TCF12: variants seen among roughly 807,000 people sequenced by gnomAD.
TCF12 encodes the protein transcription factor 12.
Under a neutral mutation model 86.0 loss-of-function variants are expected in TCF12, and 45 were observed. That is an observed-to-expected ratio of 0.52 (90% confidence interval 0.41 to 0.67). The LOEUF (loss-of-function observed/expected upper bound fraction) is 0.67. Ranked by LOEUF, TCF12 falls within the 30% of genes least tolerant of loss-of-function variation. The pLI, the probability that TCF12 is intolerant of heterozygous loss-of-function variation, is 0.00. For synonymous variants in TCF12, 330 were observed against 299.6 expected (o/e 1.10, Z -1.05); for missense variants, 881 against 859.9 (o/e 1.02, Z -0.31).
rs928152447 is a variant in TCF12 at position 57,214,730 on chromosome 15, A to C, written c.580-16422A>C. ...TTACCAGTACTCAGACTAATCTTTA[A>C]TATCCACTGGTTATTGGTTTGGTTA... On this transcript the variant is annotated intron_variant, in intron 8 of 20. Transcript: ENST00000333725. Among the ~76,000 whole-genome samples the C allele has an allele frequency of 2.6e-5, 4 of 152,296 alleles. No individual in the cohort carries two copies. The East Asian group carries it at 7.7e-4, about 29-fold the overall frequency.
At chr15:57,188,439 C>T (rs546111061) in intron 6 of TCF12, among the ~76,000 whole-genome samples, 13 of 152,238 alleles carry the variant, frequency 8.5e-5, no homozygotes, top group Non-Finnish European at 7.4e-5. Flanking sequence ...ATCAAACTTC[C>T]AATGGCTTTT....
intron 3 of TCF12, among the ~76,000 whole-genome samples, chr15:56,941,464 C>A (rs1361513667): frequency 2.0e-5 from 3 of 151,752 alleles, no homozygotes; most frequent in Non-Finnish European, 4.4e-5. Context: ...CCTCTGGCTC[C>A]CAGGTTCTAG....
At chr15:57,102,668 A>G (rs1201531154) in intron 5 of TCF12, among the ~76,000 whole-genome samples, 2 of 152,144 alleles carry the variant, frequency 1.3e-5, no homozygotes, top group Non-Finnish European at 2.9e-5. Flanking sequence ...TTTTATTTAA[A>G]AAACAAATTC....
In TCF12 at chr15:57,110,711, AGATAGAATGGATACATTG is replaced by A. The variant is rs370488045; in HGVS notation, c.325+18822_325+18839del. Among the ~76,000 whole-genome samples the A allele has an allele frequency of 4.1e-3, 631 of 152,308 alleles. 7 individuals carry two copies. The highest frequency in any genetic ancestry group is 0.014 in the African/African-American group (599 of 41,566). On this transcript the variant is annotated intron_variant, in intron 5 of 20. Coordinates refer to ENST00000333725, the MANE Select transcript of TCF12 (RefSeq NM_207037.2). Reference sequence around the variant, plus strand: ...TTTACAGGTTGCTTGGGCTGGCCCTAGATAGAATGGATACATTGGGTGTTGAAAACTAGAAACGGACTT... The same window carrying A: ...TTTACAGGTTGCTTGGGCTGGCCCTAGGTGTTGAAAACTAGAAACGGACTT...
At position 56,919,909 on chromosome 15, in the gene TCF12, C is replaced by T; in HGVS notation, c.-5C>T. 3 of 1,613,878 alleles carry T rather than the reference C, an allele frequency of 1.9e-6. No individual in the cohort carries two copies. The East Asian group carries it at 6.7e-5, about 36-fold the overall frequency. On this transcript the variant is annotated 5_prime_UTR_variant, in exon 2 of 21. Coordinates refer to ENST00000333725, the MANE Select transcript of TCF12 (RefSeq NM_207037.2). ...TGCCCTAGGACCTGCTAGAAGTGGC[C>T]GAAGATGAATCCCCAGCAACAACGC...
At chr15:56,933,778 G>T (rs1213806319) in intron 3 of TCF12, among the ~76,000 whole-genome samples, 1 of 152,032 alleles carries the variant, frequency 6.6e-6, no homozygotes, top group African/African-American at 2.4e-5. Flanking sequence ...TGGAGAGAGG[G>T]AATCTTCATA....
chr15:57,211,979 CCACACACACACACA>C (rs58113866), intron 8 of TCF12, among the ~76,000 whole-genome samples: 1 of 83,698 alleles, frequency 1.2e-5, no homozygotes, highest in South Asian at 3.8e-4. Flanking sequence ...CACACACACA[CCACACACACACACA>C]CACACACACA....
chr15:57,053,137 T>G (rs1432153695), intron 3 of TCF12, among the ~76,000 whole-genome samples: 1 of 152,218 alleles, frequency 6.6e-6, no homozygotes, highest in Non-Finnish European at 1.5e-5. Context: ...TTCTTGTGTA[T>G]GTGTGTTTTT....
intron 19 of TCF12, among the ~76,000 whole-genome samples, chr15:57,281,978 G>A (rs2061711455): frequency 6.6e-6 from 1 of 152,052 alleles, no homozygotes; most frequent in South Asian, 2.1e-4. Flanking sequence ...AAAGGTTGGG[G>A]ACCACTGCTT....
intron 3 of TCF12, among the ~76,000 whole-genome samples, chr15:57,059,103 A>G (rs930402055): frequency 7.9e-5 from 12 of 152,172 alleles, no homozygotes; most frequent in Non-Finnish European, 1.5e-4. Context: ...CCTGCAAAAT[A>G]TGTTATGTTT....
At chr15:57,098,035 A>C (rs1052122745) in intron 5 of TCF12, among the ~76,000 whole-genome samples, 3 of 119,218 alleles carry the variant, frequency 2.5e-5, no homozygotes, top group Non-Finnish European at 5.3e-5. Flanking sequence ...AAAAAAAAAA[A>C]CCAGTCAGGC....
intron 8 of TCF12, among the ~76,000 whole-genome samples, chr15:57,221,485 T>C (rs1038986168): frequency 1.3e-5 from 2 of 151,650 alleles, no homozygotes; most frequent in Admixed American, 6.6e-5. Context: ...GTTTAGATTT[T>C]ATTCTTTGGA....
chr15:57,273,000 A>T (rs1195890661), intron 18 of TCF12, 30 bp from the exon 19 acceptor site: 8 of 1,599,298 alleles, frequency 5.0e-6, no homozygotes, highest in Admixed American at 1.7e-5. Flanking sequence ...TAGGAAACCT[A>T]ATAGACCTTG....
intron 3 of TCF12, among the ~76,000 whole-genome samples, chr15:56,922,918 T>C (rs1455475322): frequency 1.3e-5 from 2 of 151,846 alleles, no homozygotes; most frequent in African/African-American, 4.8e-5. Flanking sequence ...TACTTATATA[T>C]TTTATATTTA....
At chr15:57,200,319 G>C (rs148918178) in intron 8 of TCF12, among the ~76,000 whole-genome samples, 50 of 152,116 alleles carry the variant, frequency 3.3e-4, no homozygotes, top group African/African-American at 1.1e-3. Flanking sequence ...AACACTTAAG[G>C]TTATACTGTT....
At chr15:57,124,321 G>A (rs192531251) in intron 5 of TCF12, among the ~76,000 whole-genome samples, 1 of 152,252 alleles carries the variant, frequency 6.6e-6, no homozygotes, top group Admixed American at 6.5e-5. Context: ...ATTGATGTGA[G>A]GAAAATATTA....
At chr15:57,232,139 T>C in intron 9 of TCF12, 152 bp from the exon 10 acceptor site, 1 of 712,686 alleles carries the variant, frequency 1.4e-6, no homozygotes, top group Non-Finnish European at 2.2e-6. Flanking sequence ...ATAGTAATTT[T>C]ACAGTTTAGA....
At chr15:56,962,132 C>CA (rs397853683) in intron 3 of TCF12, among the ~76,000 whole-genome samples, 1,943 of 62,314 alleles carry the variant, frequency 0.031, 41 homozygotes, top group African/African-American at 0.069. Flanking sequence ...GACTCCGTCT[C>CA]AAAAAAAAAA....
intron 6 of TCF12, among the ~76,000 whole-genome samples, chr15:57,189,339 A>G (rs76511087): frequency 0.043 from 6,587 of 152,254 alleles, 416 homozygotes; most frequent in African/African-American, 0.14. Context: ...TGCAATTCAT[A>G]TATCTGATAA....
Sources: allele counts gnomAD v4.1 joint callset (sites outside exome capture counted in the v4.1 genomes callset), GRCh38; gene constraint gnomAD v4.1.1; transcripts MANE v1.5; gene names NCBI Gene and HGNC (gene_info 2026-07-23, HGNC 2026-07-21).